The following CXADR variants were observed in gnomAD, a reference collection of about 807,000 sequenced individuals.
The protein encoded by CXADR is coxsackievirus and adenovirus receptor.
Under a neutral mutation model 40.3 loss-of-function variants are expected in CXADR, and 20 were observed. The observed-to-expected ratio is 0.50, with a 90% confidence interval of 0.35 to 0.72. The LOEUF is 0.72. Ranked by LOEUF, CXADR falls within the 30% of genes least tolerant of loss-of-function variation. The probability of loss-of-function intolerance (pLI) is 0.01; values close to 1 mark genes in which losing one functional copy is unlikely to be tolerated. For synonymous variants in CXADR, 150 were observed against 161.3 expected (o/e 0.93, Z 0.53); for missense variants, 332 against 449.1 (o/e 0.74, Z 2.36).
chr21:17,533,152 T>C (rs2060699814), intron 1 of CXADR, among the ~76,000 whole-genome samples: 1 of 152,218 alleles, frequency 6.6e-6, no homozygotes, highest in Non-Finnish European at 1.5e-5. Flanking sequence ...ACCCCTAATT[T>C]ACATTTGAGC....
rs2061247881 is a variant in CXADR, at chr21:17,568,757, T to C, written c.*3065T>C. 1.0e-6 allele frequency: 1 copy of C among 985,124 alleles called. No homozygotes were observed. The highest frequency in any genetic ancestry group is 1.7e-5 in the African/African-American group (1 of 57,160). 61.0% of individuals were successfully genotyped at this position (985,124 alleles called of 1,614,324 possible). On this transcript the variant is annotated 3_prime_UTR_variant, in exon 7 of 7. Coordinates refer to ENST00000284878, the MANE Select transcript of CXADR (RefSeq NM_001338.5). The stretch of plus-strand genomic sequence containing the variant: ...TTTTCTTACTGGTAATCTTAACTAA[T>C]ATGATTCCCTTGTTAGAGAGCCTCT...
Position 17,552,371 on chromosome 21 carries a change from C to T in CXADR, c.415+418C>T, listed in dbSNP as rs2060979740. Among the ~76,000 whole-genome samples, 4 of 152,050 alleles carry T rather than the reference C, an allele frequency of 2.6e-5. No homozygotes were observed. The South Asian group carries it at 8.3e-4, about 32-fold the overall frequency. On this transcript the variant is annotated intron_variant, in intron 3 of 6. Transcript: ENST00000284878. ...GAAGGAATATTGAATTCAAGTAAGG[C>T]CATTAGGCATCACATAGTATTTAAG...
At chr21:17,605,001 C>T in the CXADR span, 1 of 1,613,090 alleles carries the variant, frequency 6.2e-7, no homozygotes, top group Admixed American at 1.7e-5. Flanking sequence ...AATACATCTA[C>T]AACAAAGTGG....
intron 7 of CXADR, among the ~76,000 whole-genome samples, chr21:17,591,612 T>A (rs1196879536): frequency 6.6e-6 from 1 of 151,986 alleles, no homozygotes; most frequent in Non-Finnish European, 1.5e-5. Flanking sequence ...AACTTTTTTT[T>A]TCAAATATCC....
chr21:17,608,792 C>A, the CXADR span: 2 of 566,556 alleles, frequency 3.5e-6, no homozygotes, highest in Non-Finnish European at 5.6e-6. Flanking sequence ...TGGGACTCCA[C>A]CACTCCGCCA....
chr21:17,563,765 C>A (rs985589250), intron 6 of CXADR, among the ~76,000 whole-genome samples: 2 of 151,066 alleles, frequency 1.3e-5, no homozygotes, highest in African/African-American at 4.9e-5. Context: ...CACGGTGAAA[C>A]CCCGTCTCTA....
chr21:17,589,118 C>T (rs2061417450), intron 7 of CXADR, among the ~76,000 whole-genome samples: 1 of 151,892 alleles, frequency 6.6e-6, no homozygotes, highest in South Asian at 2.1e-4. Flanking sequence ...CCACCAAATA[C>T]TATATTTAAC....
chr21:17,521,126 T>G (rs778295526), intron 1 of CXADR, among the ~76,000 whole-genome samples: 6 of 152,086 alleles, frequency 3.9e-5, no homozygotes, highest in Non-Finnish European at 5.9e-5. Flanking sequence ...CATGAACTTC[T>G]AATAAGTACA....
the CXADR span, chr21:17,613,817 A>G: frequency 6.6e-6 from 1 of 152,152 alleles, no homozygotes; most frequent in Admixed American, 6.5e-5. Context: ...AATACATCCA[A>G]CTAGCGGGAG....
chr21:17,538,620 A>G (rs1010999433), intron 1 of CXADR, among the ~76,000 whole-genome samples: 1 of 152,068 alleles, frequency 6.6e-6, no homozygotes, highest in African/African-American at 2.4e-5. Flanking sequence ...AGCTTGGGCA[A>G]CATAACGAGA....
rs1371883110 is a variant in CXADR, at chr21:17,569,378, A to G, written c.*3686A>G. ...GTGACATTATATATTATATATATAT[A>G]TGTACATATATCTTTATAACATTCC... On this transcript the variant is annotated 3_prime_UTR_variant, in exon 7 of 7. Coordinates refer to ENST00000284878, the MANE Select transcript of CXADR (RefSeq NM_001338.5). 8.5e-5 allele frequency: 83 copies of G among 971,126 alleles called. No homozygotes were observed. Among genetic ancestry groups the G allele is most frequent in the Non-Finnish European group, 9.7e-5 (80 of 821,626 alleles). The allele number at this position is 971,126 out of a possible 1,614,324, so 60.2% of individuals were successfully genotyped here.
intron 1 of CXADR, among the ~76,000 whole-genome samples, chr21:17,541,408 T>A (rs1486518359): frequency 1.3e-5 from 2 of 151,178 alleles, no homozygotes; most frequent in Admixed American, 6.6e-5. Flanking sequence ...AAAAAAAAAA[T>A]TAGCCGGACG....
intron 7 of CXADR, among the ~76,000 whole-genome samples, chr21:17,587,496 A>G (rs1241725466): frequency 1.3e-5 from 2 of 152,142 alleles, no homozygotes; most frequent in Admixed American, 1.3e-4. Flanking sequence ...GCCAGTGATG[A>G]TGAGCATTTT....
chr21:17,621,785 A>G, the CXADR span, among the ~76,000 whole-genome samples: 1 of 152,220 alleles, frequency 6.6e-6, no homozygotes, highest in South Asian at 2.1e-4. Flanking sequence ...CAGAACTGTG[A>G]GAAATAAATT....
At chr21:17,606,493 T>C in the CXADR span, among the ~76,000 whole-genome samples, 1 of 152,172 alleles carries the variant, frequency 6.6e-6, no homozygotes, top group East Asian at 1.9e-4. Flanking sequence ...TATAGGGTAA[T>C]TTGAAAGATC....
intron 1 of CXADR, among the ~76,000 whole-genome samples, chr21:17,519,476 T>G (rs2060501879): frequency 6.6e-6 from 1 of 152,226 alleles, no homozygotes; most frequent in Non-Finnish European, 1.5e-5. Flanking sequence ...GAGCTTCTGC[T>G]TTATCTTTGA....
chr21:17,621,132 T>G, the CXADR span, among the ~76,000 whole-genome samples: 4 of 152,316 alleles, frequency 2.6e-5, no homozygotes, highest in South Asian at 6.2e-4. Flanking sequence ...CATCTAGCAA[T>G]CTGGATGTGG....
chr21:17,632,737 C>CA, the CXADR span, among the ~76,000 whole-genome samples: 1 of 152,098 alleles, frequency 6.6e-6, no homozygotes, highest in African/African-American at 2.4e-5. Flanking sequence ...GGCGTGGGGG[C>CA]AGGCGCCTGT....
chr21:17,628,242 G>A, the CXADR span, among the ~76,000 whole-genome samples: 2 of 152,302 alleles, frequency 1.3e-5, no homozygotes, highest in South Asian at 2.1e-4. Context: ...CCAATAAGAT[G>A]TGTATAAATA....
Sources: gnomAD v4.1 joint callset for allele counts (sites outside exome capture counted in the v4.1 genomes callset) on GRCh38, gnomAD v4.1.1 for gene constraint, MANE v1.5 for transcripts, NCBI Gene and HGNC (gene_info 2026-07-23, HGNC 2026-07-21) for gene names.